Variants in STXBP4 observed in about 807,000 individuals in gnomAD.
The protein encoded by STXBP4 is syntaxin-binding protein 4.
Under a neutral mutation model 76.1 loss-of-function variants are expected in STXBP4, and 55 were observed. The observed-to-expected ratio is 0.72, with a 90% CI of 0.58 to 0.91. The LOEUF is 0.91. STXBP4 is among the 40% of genes least tolerant of loss of function. The probability of loss-of-function intolerance (pLI) is 0.00; values close to 1 mark genes in which losing one functional copy is unlikely to be tolerated. For synonymous variants in STXBP4, 201 were observed against 220.2 expected (o/e 0.91, Z 0.77); for missense variants, 618 against 636.9 (o/e 0.97, Z 0.32).
At chr17:55,051,286 C>A (rs183137501) in intron 12 of STXBP4, among the ~76,000 whole-genome samples, 58 of 151,910 alleles carry the variant, frequency 3.8e-4, no homozygotes, top group African/African-American at 1.4e-3. Context: ...GAAAATGAAT[C>A]TAATTGTATT....
At chr17:55,141,440 TC>T in intron 17 of STXBP4, 73 bp downstream of exon 17, 4 of 1,315,544 alleles carry the variant, frequency 3.0e-6, no homozygotes, top group Middle Eastern at 1.9e-4. Flanking sequence ...TGCAGAATAA[TC>T]AGCAAAACTA....
intron 7 of STXBP4, among the ~76,000 whole-genome samples, chr17:55,004,301 T>C (rs765336160): frequency 6.6e-6 from 1 of 152,154 alleles, no homozygotes; most frequent in South Asian, 2.1e-4. Flanking sequence ...AAAATAGTTA[T>C]GGGGAAAAAT....
downstream of STXBP4, among the ~76,000 whole-genome samples, chr17:55,176,807 CAG>C (rs2080432738): frequency 6.6e-6 from 1 of 152,126 alleles, no homozygotes; most frequent in Non-Finnish European, 1.5e-5. Context: ...AGAGCAAAGG[CAG>C]AGGAAGGGAG....
chr17:55,154,620 C>G (rs2080256534), intron 17 of STXBP4, among the ~76,000 whole-genome samples: 1 of 152,004 alleles, frequency 6.6e-6, no homozygotes, highest in Admixed American at 6.6e-5. Flanking sequence ...GAGTTGTTTC[C>G]TTCTTTGAAA....
intron 16 of STXBP4, among the ~76,000 whole-genome samples, chr17:55,113,355 A>G (rs1440636042): frequency 6.6e-6 from 1 of 152,048 alleles, no homozygotes; most frequent in Admixed American, 6.6e-5. Flanking sequence ...CATGTTGTAC[A>G]CTTTAAATAC....
intron 16 of STXBP4, among the ~76,000 whole-genome samples, chr17:55,105,853 T>C (rs532481809): frequency 1.6e-4 from 25 of 152,294 alleles, no homozygotes; most frequent in African/African-American, 6.0e-4. Context: ...CTTTTGCATT[T>C]GCTGAGGAGT....
intron 10 of STXBP4, among the ~76,000 whole-genome samples, chr17:55,036,789 T>C (rs911723576): frequency 6.6e-6 from 1 of 152,104 alleles, no homozygotes; most frequent in African/African-American, 2.4e-5. Context: ...AATTGCACTT[T>C]TATTTCATGG....
At chr17:55,022,730 A>G (rs137891419) in intron 8 of STXBP4, among the ~76,000 whole-genome samples, 3 of 152,100 alleles carry the variant, frequency 2.0e-5, no homozygotes, top group Non-Finnish European at 4.4e-5. Flanking sequence ...GATATAAGGG[A>G]ACAATTAATG....
intron 1 of STXBP4, among the ~76,000 whole-genome samples, chr17:54,982,676 G>A (rs2077567355): frequency 6.6e-6 from 1 of 151,802 alleles, no homozygotes; most frequent in South Asian, 2.1e-4. Context: ...TGTTGGCTGA[G>A]GGCCTTGCAA....
At chr17:55,113,827 G>GGTGTTTT in intron 16 of STXBP4, among the ~76,000 whole-genome samples, 1 of 151,980 alleles carries the variant, frequency 6.6e-6, no homozygotes, top group South Asian at 2.1e-4. Flanking sequence ...GGGTTTTTTT[G>GGTGTTTT]GTGTTTTTTG....
At chr17:55,046,712 T>A (rs140092516) in intron 11 of STXBP4, among the ~76,000 whole-genome samples, 1 of 151,942 alleles carries the variant, frequency 6.6e-6, no homozygotes, top group African/African-American at 2.4e-5. Context: ...ATATGCCCTC[T>A]TTTGTATGGT....
At chr17:55,195,533 A>G in the STXBP4 span, among the ~76,000 whole-genome samples, 1 of 152,196 alleles carries the variant, frequency 6.6e-6, no homozygotes, top group Non-Finnish European at 1.5e-5. Context: ...TGCAGCCTCA[A>G]CAACTCGGAC....
chr17:55,186,330 C>G, the STXBP4 span, among the ~76,000 whole-genome samples: 1 of 152,154 alleles, frequency 6.6e-6, no homozygotes, highest in East Asian at 1.9e-4. Flanking sequence ...GAAAGAAAAG[C>G]TCTAGCTATA....
chr17:55,063,762 A>G (rs947712480), intron 12 of STXBP4, among the ~76,000 whole-genome samples: 1 of 152,302 alleles, frequency 6.6e-6, no homozygotes, highest in Non-Finnish European at 1.5e-5. Context: ...TCTATATAGG[A>G]AAGTAGGCAT....
chr17:55,208,546 G>C, the STXBP4 span, among the ~76,000 whole-genome samples: 4 of 148,932 alleles, frequency 2.7e-5, no homozygotes, highest in Non-Finnish European at 5.9e-5. Context: ...AGGAAGGAAG[G>C]AAGGAAGCAA....
At chr17:55,082,070 C>CA (rs146168518) in intron 16 of STXBP4, among the ~76,000 whole-genome samples, 2,161 of 152,194 alleles carry the variant, frequency 0.014, 42 homozygotes, top group African/African-American at 0.04. Context: ...TAAAAATCAA[C>CA]AATGTGCTAA....
intron 16 of STXBP4, among the ~76,000 whole-genome samples, chr17:55,082,747 C>G (rs62078831): frequency 0.19 from 28,584 of 151,726 alleles, 3,182 homozygotes; most frequent in Middle Eastern, 0.36. Flanking sequence ...AAAATATGAA[C>G]CAACAACCAA....
chr17:55,048,177 A>G (rs1222696066), intron 12 of STXBP4, among the ~76,000 whole-genome samples: 1 of 151,928 alleles, frequency 6.6e-6, no homozygotes, highest in Non-Finnish European at 1.5e-5. Context: ...AACCAGATCA[A>G]TAGAGAATGG....
chr17:55,131,225 A>T (rs564795354), intron 16 of STXBP4, among the ~76,000 whole-genome samples: 1 of 152,298 alleles, frequency 6.6e-6, no homozygotes, highest in Non-Finnish European at 1.5e-5. Context: ...GTGTGAAGTG[A>T]TATCTCATTG....
Sources: allele counts gnomAD v4.1 joint callset (sites outside exome capture counted in the v4.1 genomes callset), GRCh38; gene constraint gnomAD v4.1.1; transcripts MANE v1.5; gene names NCBI Gene and HGNC (gene_info 2026-07-23, HGNC 2026-07-21).